The following FBXO36 variants were observed in gnomAD, a reference collection of about 807,000 sequenced individuals.
The protein encoded by FBXO36 is F-box only protein 36.
A neutral mutation model predicts 17.0 loss-of-function variants in FBXO36; 18 were observed. The ratio of observed to expected loss-of-function variants is 1.06; its 90% CI spans 0.73 to 1.57. The LOEUF is 1.57. FBXO36 is among the 40% of genes most tolerant of loss of function. FBXO36 has a pLI of 0.00. For synonymous variants in FBXO36, 83 were observed against 85.3 expected, an observed-to-expected ratio of 0.97 and a Z score of 0.15; for missense variants, 229 against 221.9, an observed-to-expected ratio of 1.03 and a Z score of -0.20.
In FBXO36 at chr2:229,926,722, A is replaced by AC. The variant is rs1293292854; in HGVS notation, c.96+4117dup. On this transcript the variant is annotated intron_variant, in intron 1 of 3. Coordinates refer to ENST00000283946, the MANE Select transcript of FBXO36 (RefSeq NM_174899.5). Reference sequence around the variant, plus strand: ...TCTCACCACTGGGCAACAGAGTGAGACCCCATCTCAAAAACAAAAAAAAAA... The same window carrying AC: ...TCTCACCACTGGGCAACAGAGTGAGACCCCCATCTCAAAAACAAAAAAAAAA... Among the ~76,000 whole-genome samples the AC allele has an allele frequency of 2.7e-5, 4 of 150,764 alleles. No homozygotes were observed. The East Asian group carries it at 7.8e-4, about 29-fold the overall frequency.
In FBXO36 at chr2:229,932,099, T is replaced by C. The variant is rs545282183; in HGVS notation, c.96+9490T>C. Among the ~76,000 whole-genome samples the C allele has an allele frequency of 5.3e-5, 8 of 151,894 alleles. 1 individual carries two copies. The South Asian group carries it at 1.7e-3, about 32-fold the overall frequency. On this transcript the variant is annotated intron_variant, in intron 1 of 3. Transcript: ENST00000283946. ...ATGCCCAGCTAAGAAAGTAGTGTTT[T>C]AGGCTGGGCGCAGTAGTCACACCTG... is the stretch of plus-strand genomic sequence containing the variant.
At chr2:229,935,683 A>G (rs1432847597) in intron 1 of FBXO36, among the ~76,000 whole-genome samples, 2 of 152,162 alleles carry the variant, frequency 1.3e-5, no homozygotes, top group African/African-American at 4.8e-5. Flanking sequence ...CTGTCCTTAC[A>G]TTAGTGGATC....
At chr2:229,927,785 T>TA (rs371358762) in intron 1 of FBXO36, among the ~76,000 whole-genome samples, 115 of 151,202 alleles carry the variant, frequency 7.6e-4, no homozygotes, top group Non-Finnish European at 9.7e-4. Flanking sequence ...CTCACCCCTC[T>TA]AAAAAAAATG....
chr2:229,951,181 C>A (rs1026546744), intron 1 of FBXO36, among the ~76,000 whole-genome samples: 3 of 152,242 alleles, frequency 2.0e-5, no homozygotes, highest in Middle Eastern at 3.4e-3. Flanking sequence ...TATCCACCCA[C>A]CTCAGCCTCC....
chr2:229,942,290 A>G (rs1419331779), intron 1 of FBXO36, among the ~76,000 whole-genome samples: 1 of 152,198 alleles, frequency 6.6e-6, no homozygotes, highest in Non-Finnish European at 1.5e-5. Flanking sequence ...ATGGCATAGC[A>G]GTGCATTCTG....
intron 3 of FBXO36, among the ~76,000 whole-genome samples, chr2:230,002,523 A>G (rs1325441470): frequency 6.6e-6 from 1 of 152,032 alleles, no homozygotes; most frequent in Non-Finnish European, 1.5e-5. Context: ...AGCTGGGACT[A>G]CAGGCCTGCG....
At chr2:229,944,554 A>C (rs887810390) in intron 1 of FBXO36, among the ~76,000 whole-genome samples, 5 of 151,244 alleles carry the variant, frequency 3.3e-5, no homozygotes, top group Admixed American at 6.6e-5. Flanking sequence ...AATTTTCAAT[A>C]GTTAGTGGCT....
intron 1 of FBXO36, among the ~76,000 whole-genome samples, chr2:229,959,640 T>A (rs897329828): frequency 6.6e-6 from 1 of 151,996 alleles, no homozygotes; most frequent in East Asian, 1.9e-4. Context: ...GGTCAGGAGA[T>A]CGAGACCATC....
At chr2:229,932,522 A>G (rs1577326242) in intron 1 of FBXO36, among the ~76,000 whole-genome samples, 1 of 151,200 alleles carries the variant, frequency 6.6e-6, no homozygotes, top group East Asian at 2.0e-4. Context: ...CTTTGTCTCA[A>G]AAAAAAAATT....
intron 1 of FBXO36, among the ~76,000 whole-genome samples, chr2:229,929,498 G>A (rs1445168324): frequency 2.0e-5 from 3 of 151,814 alleles, no homozygotes; most frequent in African/African-American, 7.3e-5. Flanking sequence ...CCTGGGAGGC[G>A]AAGCTTGCAG....
At chr2:229,951,054 C>A (rs1277278360) in intron 1 of FBXO36, among the ~76,000 whole-genome samples, 1 of 152,016 alleles carries the variant, frequency 6.6e-6, no homozygotes, top group East Asian at 1.9e-4. Flanking sequence ...CTGCCTCAGC[C>A]TCCCGAGTAG....
At chr2:230,005,618 G>A (rs2077383226) in intron 3 of FBXO36, among the ~76,000 whole-genome samples, 1 of 152,120 alleles carries the variant, frequency 6.6e-6, no homozygotes, top group Non-Finnish European at 1.5e-5. Context: ...AAGGAAATAA[G>A]TATGTACCTT....
chr2:229,946,623 C>T (rs1399766950), intron 1 of FBXO36, among the ~76,000 whole-genome samples: 1 of 152,192 alleles, frequency 6.6e-6, no homozygotes, highest in Non-Finnish European at 1.5e-5. Flanking sequence ...CAGCAACAGG[C>T]AACATCAGTT....
At chr2:229,948,203 C>T (rs1034560146) in intron 1 of FBXO36, among the ~76,000 whole-genome samples, 5 of 151,948 alleles carry the variant, frequency 3.3e-5, no homozygotes, top group Admixed American at 6.6e-5. Context: ...CACTTGTGTC[C>T]CCACATTTAC....
chr2:229,976,008 G>A (rs1395991813), intron 1 of FBXO36, among the ~76,000 whole-genome samples: 4 of 151,944 alleles, frequency 2.6e-5, no homozygotes, highest in African/African-American at 9.7e-5. Context: ...GCACCCGGCC[G>A]ACCTGATCGA....
chr2:229,953,633 C>T (rs139984553), intron 1 of FBXO36, among the ~76,000 whole-genome samples: 11 of 149,444 alleles, frequency 7.4e-5, no homozygotes, highest in African/African-American at 2.5e-4. Context: ...GATCATGCCA[C>T]TGCACTCCAG....
chr2:229,961,429 G>T (rs2042802), intron 1 of FBXO36, among the ~76,000 whole-genome samples: 21,715 of 152,008 alleles, frequency 0.14, 1,625 homozygotes, highest in Admixed American at 0.2. Context: ...AGGCTGGAGT[G>T]CAGTGGTGCG....
At chr2:229,959,248 G>T (rs925627849) in intron 1 of FBXO36, among the ~76,000 whole-genome samples, 10 of 152,140 alleles carry the variant, frequency 6.6e-5, no homozygotes, top group African/African-American at 2.4e-4. Flanking sequence ...TGAACACCTG[G>T]CCTCAAGTGA....
chr2:229,931,183 T>A (rs147441614), intron 1 of FBXO36, among the ~76,000 whole-genome samples: 19 of 152,300 alleles, frequency 1.2e-4, no homozygotes, highest in African/African-American at 4.6e-4. Context: ...AATAACAGTA[T>A]TCACTGTTTA....
Sources: allele counts gnomAD v4.1 joint callset (sites outside exome capture counted in the v4.1 genomes callset), GRCh38; gene constraint gnomAD v4.1.1; transcripts MANE v1.5; gene names NCBI Gene and HGNC (gene_info 2026-07-23, HGNC 2026-07-21).